The following SYT16 variants were observed in gnomAD, a reference collection of about 807,000 sequenced individuals.
The protein encoded by SYT16 is synaptotagmin 16, also known as synaptotagmin-16.
In SYT16, 42 loss-of-function variants were observed where a neutral mutation model predicts 61.4. The ratio of observed to expected loss-of-function variants is 0.68; its 90% CI spans 0.53 to 0.89. SYT16 has a LOEUF of 0.89. Ranked by LOEUF, SYT16 falls within the 40% of genes least tolerant of loss-of-function variation. SYT16 has a pLI of 0.00. For synonymous variants in SYT16, 314 were observed against 302.3 expected (o/e 1.04, Z -0.40); for missense variants, 804 against 807.3 (o/e 1.00, Z 0.05).
chr14:61,951,994 G>T (rs1217440167), intron 1 of SYT16, among the ~76,000 whole-genome samples: 1 of 152,050 alleles, frequency 6.6e-6, no homozygotes, highest in African/African-American at 2.4e-5. Flanking sequence ...TCGCCATGTT[G>T]CCCAGGCTGG....
chr14:62,085,850 A>G (rs1321159266), intron 7 of SYT16, among the ~76,000 whole-genome samples: 1 of 152,234 alleles, frequency 6.6e-6, no homozygotes, highest in Admixed American at 6.5e-5. Context: ...TTTGCTAGAT[A>G]CCAATTTGTT....
intron 7 of SYT16, among the ~76,000 whole-genome samples, chr14:62,086,123 G>A (rs777895135): frequency 7.9e-5 from 12 of 152,152 alleles, no homozygotes; most frequent in Non-Finnish European, 1.8e-4. Context: ...GCTTGAGAAA[G>A]TACCAGCTGG....
Position 61,883,662 on chromosome 14 carries a change from T to G in SYT16, c.-325+70852T>G, listed in dbSNP as rs371209895. ...GCCTGTTATCCAGTTCCAAATTTGC[T>G]TCCACATTTTTGGATATCCTTGTAG... is the stretch of plus-strand genomic sequence containing the variant. On this transcript the variant is annotated intron_variant, in intron 1 of 7. Coordinates refer to ENST00000683842, the MANE Select transcript of SYT16 (RefSeq NM_001367656.1). Among the ~76,000 whole-genome samples the G allele has an allele frequency of 1.8e-3, 273 of 152,302 alleles. 2 individuals are homozygous for G. Among genetic ancestry groups the G allele is most frequent in the African/African-American group, 6.4e-3 (265 of 41,578 alleles).
rs1057082750 is a variant in SYT16 at position 61,960,305 on chromosome 14, A to G, written c.-324-9827A>G. ...ATTGCTTTGGGCAGTATGTCCATTTAAAAAATATTGATTCTTCCTACCCAT... is the reference window on the plus strand; with the variant it reads ...ATTGCTTTGGGCAGTATGTCCATTTGAAAAATATTGATTCTTCCTACCCAT... On this transcript the variant is annotated intron_variant, in intron 1 of 7. Transcript: ENST00000683842. Among the ~76,000 whole-genome samples, 8 of 152,270 alleles carry G rather than the reference A, an allele frequency of 5.3e-5. 1 individual carries two copies. The South Asian group carries it at 1.7e-3, about 32-fold the overall frequency.
intron 1 of SYT16, among the ~76,000 whole-genome samples, chr14:61,940,356 C>T (rs1021176891): frequency 2.0e-5 from 3 of 152,006 alleles, no homozygotes; most frequent in South Asian, 2.1e-4. Flanking sequence ...GCTCTCCTCA[C>T]GGCCACTGAA....
At chr14:61,983,618 T>G (rs924656355) in intron 2 of SYT16, among the ~76,000 whole-genome samples, 4 of 152,078 alleles carry the variant, frequency 2.6e-5, no homozygotes, top group African/African-American at 9.7e-5. Context: ...CTCAACTTAT[T>G]GGGCTCAAGC....
At chr14:62,112,709 A>G (rs1368544252), downstream of SYT16, among the ~76,000 whole-genome samples, 1 of 152,218 alleles carries the variant, frequency 6.6e-6, no homozygotes, top group East Asian at 1.9e-4. Flanking sequence ...TAGAACTATA[A>G]GCATTACATG....
chr14:62,005,083 C>T (rs2053168003), intron 3 of SYT16, among the ~76,000 whole-genome samples: 1 of 152,126 alleles, frequency 6.6e-6, no homozygotes, highest in Non-Finnish European at 1.5e-5. Context: ...CCTTGTCTGG[C>T]ATGCCTTGTG....
chr14:61,900,563 ACTAG>A (rs1210554542), intron 1 of SYT16, among the ~76,000 whole-genome samples: 2 of 152,090 alleles, frequency 1.3e-5, no homozygotes, highest in Non-Finnish European at 2.9e-5. Flanking sequence ...TGTAACAGAC[ACTAG>A]CTTTTGTTAA....
chr14:61,879,016 C>T (rs1312157413), intron 1 of SYT16, among the ~76,000 whole-genome samples: 2 of 152,144 alleles, frequency 1.3e-5, no homozygotes, highest in South Asian at 2.1e-4. Context: ...CCCTTCAGTG[C>T]TACCACTGTA....
At chr14:61,994,080 A>T (rs2052667636) in intron 2 of SYT16, among the ~76,000 whole-genome samples, 1 of 152,138 alleles carries the variant, frequency 6.6e-6, no homozygotes, top group African/African-American at 2.4e-5. Flanking sequence ...ATGTGAGGGA[A>T]CTAGGGTGTG....
intron 7 of SYT16, among the ~76,000 whole-genome samples, chr14:62,088,795 T>G (rs1190423450): frequency 6.6e-6 from 1 of 152,126 alleles, no homozygotes; most frequent in African/African-American, 2.4e-5. Flanking sequence ...TATAGGGACC[T>G]CCACTGTACT....
intron 3 of SYT16, among the ~76,000 whole-genome samples, chr14:62,056,205 G>A (rs2055547557): frequency 6.6e-6 from 1 of 152,152 alleles, no homozygotes; most frequent in African/African-American, 2.4e-5. Flanking sequence ...GAAACACAAA[G>A]CTACAGTGAA....
intron 1 of SYT16, among the ~76,000 whole-genome samples, chr14:61,814,107 C>G (rs185680006): frequency 1.2e-4 from 18 of 152,292 alleles, no homozygotes; most frequent in African/African-American, 4.1e-4. Context: ...GGTGGTTGTC[C>G]TCTCCCTGCT....
Position 62,013,789 on chromosome 14 carries a change from C to A in SYT16, c.523+17247C>A, listed in dbSNP as rs569503427. On this transcript the variant is annotated intron_variant, in intron 3 of 7. Transcript: ENST00000683842. ...GACCAGCCTGGCCAATATGGTGAAA[C>A]CATGTCTCTACAAAAAGCAAAAAAA... is the stretch of plus-strand genomic sequence containing the variant. Among the ~76,000 whole-genome samples the A allele has an allele frequency of 2.8e-4, 42 of 152,172 alleles. No homozygotes were observed. The Middle Eastern group carries it at 0.024, about 86-fold the overall frequency.
rs750517599 is a variant in SYT16, at chr14:62,080,882, A to G, written c.1042A>G (p.Ile348Val). ...LQVPSGVSEP[I>V]SKCGDLDVIF... is the part of the protein sequence containing the mutation. The stretch of plus-strand genomic sequence containing the variant: ...GGTGCCATCCGGGGTCTCAGAGCCC[A>G]TCTCAAAGTGTGGTGACCTAGATGT... Residue 348 changes from isoleucine (I) to valine (V), a missense_variant, in exon 6 of 8, where the codon ATC becomes GTC. Physicochemically the swap from Ile to Val is conservative, Grantham distance 29. Coordinates refer to ENST00000683842, the MANE Select transcript of SYT16 (RefSeq NM_001367656.1). 4.4e-6 allele frequency: 7 copies of G among 1,604,870 alleles called. No individual in the cohort carries two copies. In the South Asian group the frequency reaches 5.6e-5, roughly 13 times the overall value.
chr14:61,847,294 T>A (rs1411126263), intron 1 of SYT16, among the ~76,000 whole-genome samples: 1 of 152,186 alleles, frequency 6.6e-6, no homozygotes. Context: ...TTTTCCTTTA[T>A]CTTTGAAGGA....
intron 3 of SYT16, among the ~76,000 whole-genome samples, chr14:62,046,819 G>C (rs1279898966): frequency 1.3e-5 from 2 of 152,126 alleles, no homozygotes; most frequent in Non-Finnish European, 2.9e-5. Context: ...CTATATCTCT[G>C]TTTTGGTACC....
In SYT16 at chr14:62,101,264, A is replaced by C. The variant is rs1009667479; in HGVS notation, c.*557A>C. ...TAACGAGTAAATATTATAAACTTGC[A>C]CTTTTAAAATAAATTTGTATTAATT... On this transcript the variant is annotated 3_prime_UTR_variant, in exon 8 of 8. Transcript: ENST00000683842. 1 of 152,384 alleles carries C rather than the reference A, an allele frequency of 6.6e-6. No individual in the cohort carries two copies. The highest frequency in any genetic ancestry group is 1.5e-5 in the Non-Finnish European group (1 of 68,046). 9.4% of individuals were successfully genotyped at this position (152,384 alleles called of 1,614,324 possible). A position where few individuals can be genotyped will look rare whatever the true frequency, so the allele number is the denominator to read the frequency against.
Sources: gnomAD v4.1 joint callset for allele counts (sites outside exome capture counted in the v4.1 genomes callset) on GRCh38, gnomAD v4.1.1 for gene constraint, MANE v1.5 for transcripts, NCBI Gene and HGNC (gene_info 2026-07-23, HGNC 2026-07-21) for gene names.